Variants in SPAG16 observed in about 807,000 individuals in gnomAD.
SPAG16 encodes the protein sperm associated antigen 16, also known as sperm-associated antigen 16 protein.
In SPAG16, 86 loss-of-function variants were observed where a neutral mutation model predicts 80.4. That is an observed-to-expected ratio of 1.07 (90% CI 0.90 to 1.28). The LOEUF (loss-of-function observed/expected upper bound fraction) is 1.28. Ranked by LOEUF, SPAG16 falls within the 50% of genes most tolerant of loss-of-function variation. The probability of loss-of-function intolerance (pLI) is 0.00; values close to 1 mark genes in which losing one functional copy is unlikely to be tolerated. For synonymous variants in SPAG16, 294 were observed against 265.9 expected, an observed-to-expected ratio of 1.11 and a Z score of -1.03; for missense variants, 870 against 765.3, an observed-to-expected ratio of 1.14 and a Z score of -1.61.
intron 13 of SPAG16, among the ~76,000 whole-genome samples, chr2:214,062,065 A>G (rs1390390618): frequency 6.6e-6 from 1 of 151,384 alleles, no homozygotes; most frequent in African/African-American, 2.4e-5. Context: ...GTGATATGTT[A>G]AAATGTATTA....
intron 10 of SPAG16, among the ~76,000 whole-genome samples, chr2:213,802,550 G>A (rs886143674): frequency 3.0e-4 from 45 of 151,998 alleles, no homozygotes; most frequent in Non-Finnish European, 5.9e-4. Context: ...AGAAAGAATA[G>A]TTTCTTTTGA....
intron 1 of SPAG16, among the ~76,000 whole-genome samples, chr2:213,294,627 G>T (rs968115317): frequency 1.3e-5 from 2 of 152,168 alleles, no homozygotes; most frequent in Non-Finnish European, 2.9e-5. Flanking sequence ...CCTTTTGACA[G>T]ATACCTGGTA....
intron 10 of SPAG16, among the ~76,000 whole-genome samples, chr2:213,656,332 A>G (rs947950886): frequency 6.6e-6 from 1 of 152,114 alleles, no homozygotes; most frequent in Non-Finnish European, 1.5e-5. Flanking sequence ...CACCACGCCC[A>G]GCTAATTTTT....
chr2:214,229,481 T>C (rs187245350), intron 15 of SPAG16, among the ~76,000 whole-genome samples: 2 of 151,788 alleles, frequency 1.3e-5, no homozygotes, highest in Non-Finnish European at 2.9e-5. Context: ...TTTATATGTA[T>C]GTGTATATAT....
intron 10 of SPAG16, among the ~76,000 whole-genome samples, chr2:213,794,674 T>G: frequency 6.6e-6 from 1 of 152,158 alleles, no homozygotes; most frequent in Non-Finnish European, 1.5e-5. Context: ...ATAGGTACAT[T>G]TTGTTTAGTA....
intron 15 of SPAG16, among the ~76,000 whole-genome samples, chr2:214,259,226 G>A (rs1690939718): frequency 6.6e-6 from 1 of 151,818 alleles, no homozygotes; most frequent in Non-Finnish European, 1.5e-5. Flanking sequence ...CTACAAGTCT[G>A]TCTCTTTTCA....
intron 12 of SPAG16, among the ~76,000 whole-genome samples, chr2:213,970,741 A>G (rs572913009): frequency 3.9e-5 from 6 of 152,362 alleles, no homozygotes; most frequent in South Asian, 2.1e-4. Context: ...ATATGCATGA[A>G]CATAAACAAT....
At chr2:214,060,588 A>G (rs927440468) in intron 13 of SPAG16, among the ~76,000 whole-genome samples, 1 of 152,328 alleles carries the variant, frequency 6.6e-6, no homozygotes, top group Middle Eastern at 3.4e-3. Flanking sequence ...TGATAAAACT[A>G]TAACACTCTC....
intron 15 of SPAG16, among the ~76,000 whole-genome samples, chr2:214,288,800 G>A (rs939795273): frequency 1.9e-4 from 12 of 62,116 alleles, no homozygotes; most frequent in East Asian, 5.1e-4. Context: ...ACGTTGTCTC[G>A]CTCTGTCACC....
chr2:213,713,268 A>G (rs1157785187), intron 10 of SPAG16, among the ~76,000 whole-genome samples: 1 of 152,176 alleles, frequency 6.6e-6, no homozygotes, highest in Non-Finnish European at 1.5e-5. Context: ...CATGAAGGAC[A>G]CTTCTTGTGA....
intron 10 of SPAG16, 35 bp downstream of exon 10, chr2:213,490,125 A>G: frequency 6.5e-7 from 1 of 1,532,922 alleles, no homozygotes; most frequent in Non-Finnish European, 8.8e-7. Flanking sequence ...TACTTTTGAG[A>G]TTTTATTTTC....
At chr2:213,961,768 G>A (rs898802560) in intron 12 of SPAG16, among the ~76,000 whole-genome samples, 2 of 151,732 alleles carry the variant, frequency 1.3e-5, no homozygotes, top group African/African-American at 4.8e-5. Flanking sequence ...ACATGTTGCT[G>A]GATTTAGTTT....
intron 15 of SPAG16, among the ~76,000 whole-genome samples, chr2:214,285,016 A>G (rs1693249644): frequency 6.6e-6 from 1 of 152,130 alleles, no homozygotes; most frequent in South Asian, 2.1e-4. Flanking sequence ...TGGCTCTATT[A>G]TAGATCTATT....
intron 10 of SPAG16, among the ~76,000 whole-genome samples, chr2:213,663,642 A>G (rs1041406756): frequency 6.6e-6 from 1 of 152,120 alleles, no homozygotes; most frequent in Non-Finnish European, 1.5e-5. Flanking sequence ...TCCACAAGAA[A>G]CATTGAAACA....
chr2:213,774,730 CT>C (rs1424913956), intron 10 of SPAG16, among the ~76,000 whole-genome samples: 1 of 152,076 alleles, frequency 6.6e-6, no homozygotes, highest in East Asian at 1.9e-4. Flanking sequence ...TCAATAATAC[CT>C]GTGCCCTAGA....
At chr2:213,865,138 A>T (rs2075635645) in intron 11 of SPAG16, among the ~76,000 whole-genome samples, 1 of 152,086 alleles carries the variant, frequency 6.6e-6, no homozygotes, top group South Asian at 2.1e-4. Flanking sequence ...TAGTATAATT[A>T]ACAGTATATA....
intron 14 of SPAG16, among the ~76,000 whole-genome samples, chr2:214,130,032 G>A (rs975064319): frequency 1.5e-4 from 23 of 152,092 alleles, no homozygotes; most frequent in African/African-American, 2.9e-4. Context: ...ACAAGTGAGC[G>A]TGCCTTCCAA....
chr2:214,221,069 G>C (rs1279006666), intron 15 of SPAG16, among the ~76,000 whole-genome samples: 1 of 151,990 alleles, frequency 6.6e-6, no homozygotes, highest in African/African-American at 2.4e-5. Flanking sequence ...ATAGCTTCCT[G>C]GCTAAAATAA....
At chr2:213,920,185 T>C (rs922578302) in intron 11 of SPAG16, among the ~76,000 whole-genome samples, 1 of 152,174 alleles carries the variant, frequency 6.6e-6, no homozygotes, top group African/African-American at 2.4e-5. Context: ...TTACTGCATA[T>C]GAAACAGGTC....
Sources: gnomAD v4.1 joint callset for allele counts (sites outside exome capture counted in the v4.1 genomes callset) on GRCh38, gnomAD v4.1.1 for gene constraint, MANE v1.5 for transcripts, NCBI Gene and HGNC (gene_info 2026-07-23, HGNC 2026-07-21) for gene names.